Variants in ARID1B observed in about 807,000 individuals in gnomAD.
ARID1B encodes AT-rich interaction domain 1B.
A neutral mutation model predicts 212.3 loss-of-function variants in ARID1B; 30 were observed. That is an observed-to-expected ratio of 0.14 (90% CI 0.11 to 0.19). The LOEUF is 0.19. Among genes scored for constraint, ARID1B ranks in the 10% least tolerant of loss-of-function variants. The pLI is 1.00. For missense variants in ARID1B, 2,891 were observed against 3,204.0 expected (o/e 0.90, Z 2.36); for synonymous variants, 1,402 against 1,301.7 (o/e 1.08, Z -1.66).
chr6:156,837,696 T>A (rs1783608240), intron 2 of ARID1B, among the ~76,000 whole-genome samples: 1 of 152,170 alleles, frequency 6.6e-6, no homozygotes. Flanking sequence ...TGAATGAAAT[T>A]AAGAAAACTC....
At position 157,157,815 on chromosome 6, in the gene ARID1B, G is replaced by A. The variant is rs148330129; in HGVS notation, c.3089+8864G>A. On this transcript the variant is annotated intron_variant, in intron 8 of 19. Transcript: ENST00000636930. ...AGGTAGGAGAATTGCTTGAGGCCAG[G>A]AGTTCACAAGCAGCCTGGGCAACGT... Among the ~76,000 whole-genome samples the A allele has an allele frequency of 4.4e-3, 667 of 152,322 alleles. 9 individuals carry two copies. The highest frequency in any genetic ancestry group is 0.015 in the African/African-American group (627 of 41,568).
intron 2 of ARID1B, among the ~76,000 whole-genome samples, chr6:156,896,576 C>CAAAAAAAAAAAAAAA (rs72490811): frequency 1.3e-4 from 6 of 45,912 alleles, no homozygotes; most frequent in South Asian, 1.1e-3. Flanking sequence ...AACTGCGTCT[C>CAAAAAAAAAAAAAAA]AAAAAAAAAA....
At chr6:157,179,966 A>G (rs752756374) in intron 11 of ARID1B, among the ~76,000 whole-genome samples, 3 of 152,254 alleles carry the variant, frequency 2.0e-5, no homozygotes, top group Admixed American at 1.3e-4. Context: ...TAATTTCTCT[A>G]TATTGCAAAT....
At chr6:157,140,050 C>T (rs192982010) in intron 7 of ARID1B, among the ~76,000 whole-genome samples, 1,730 of 152,124 alleles carry the variant, frequency 0.011, 14 homozygotes, top group Middle Eastern at 0.024. Flanking sequence ...AATGTCAGTG[C>T]TTACCTTTTA....
chr6:156,901,463 C>A lies in ARID1B; in HGVS notation c.2074C>A (p.His692Asn), dbSNP rs372781930. 6.2e-7 allele frequency: 1 copy of A among 1,614,032 alleles called. No homozygotes were observed. Among genetic ancestry groups the A allele is most frequent in the African/African-American group, 1.3e-5 (1 of 74,922 alleles). ...PYYSQQPQPPHLPPQAQYLPS... is the reference protein window; with the variant it reads ...PYYSQQPQPPNLPPQAQYLPS... ...TTACAGCCAGCAGCCGCAGCCCCCG[C>A]ACCTCCCACCCCAGGCGCAGTATCT... is the stretch of plus-strand genomic sequence containing the variant. Residue 692 changes from histidine to asparagine, a missense_variant, in exon 3 of 20, where the codon CAC becomes AAC. This residue lies in a region of ARID1B where 1,643 missense variants were observed against 1,544.0 expected (regional missense o/e 1.06). Coordinates refer to ENST00000636930, the MANE Select transcript of ARID1B (RefSeq NM_001374828.1).
chr6:157,171,505 A>G (rs897918072), intron 9 of ARID1B, among the ~76,000 whole-genome samples: 1 of 152,268 alleles, frequency 6.6e-6, no homozygotes, highest in Admixed American at 6.5e-5. Flanking sequence ...TCTGGTAAGA[A>G]GTCAAAAATA....
In ARID1B at chr6:157,210,664, CT is replaced by C. The variant is rs573247570; in HGVS notation, c.*2777del. 2.2e-5 allele frequency: 5 copies of C among 223,316 alleles called. No individual in the cohort carries two copies. Among genetic ancestry groups the C allele is most frequent in the South Asian group, 1.9e-4 (1 of 5,314 alleles). 13.8% of individuals were successfully genotyped at this position (223,316 alleles called of 1,614,324 possible). A position where few individuals can be genotyped will look rare whatever the true frequency, so the allele number is the denominator to read the frequency against. On this transcript the variant is annotated 3_prime_UTR_variant, in exon 20 of 20. Transcript: ENST00000636930. ...AGTCGGTTTTTTTTTTTCTATGAGG[CT>C]TTTCAGAAATTTACAGGATGCCCAG...
chr6:156,924,581 A>G (rs1435020164), intron 3 of ARID1B, among the ~76,000 whole-genome samples: 1 of 152,216 alleles, frequency 6.6e-6, no homozygotes, highest in Non-Finnish European at 1.5e-5. Flanking sequence ...CAGGCGGGCA[A>G]TTTAAAATTG....
At chr6:157,141,703 A>AT (rs1789366100) in intron 7 of ARID1B, among the ~76,000 whole-genome samples, 1 of 152,172 alleles carries the variant, frequency 6.6e-6, no homozygotes, top group South Asian at 2.1e-4. Flanking sequence ...AATCCTCAAA[A>AT]TTTTTTTCAT....
At chr6:157,004,436 A>G (rs1421007511) in intron 4 of ARID1B, among the ~76,000 whole-genome samples, 1 of 152,226 alleles carries the variant, frequency 6.6e-6, no homozygotes, top group Admixed American at 6.5e-5. Context: ...TTAGAGATCT[A>G]AGTGATAAAA....
intron 1 of ARID1B, among the ~76,000 whole-genome samples, chr6:156,825,544 A>G (rs1171427657): frequency 6.6e-6 from 1 of 152,240 alleles, no homozygotes; most frequent in Non-Finnish European, 1.5e-5. Flanking sequence ...AATTTTAGTC[A>G]CTGATAAGAT....
chr6:156,776,126 C>G (rs2114939714), upstream of ARID1B, among the ~76,000 whole-genome samples: 1 of 152,208 alleles, frequency 6.6e-6, no homozygotes, highest in South Asian at 2.1e-4. Flanking sequence ...CTACCAAAAC[C>G]GTAAGTATTG....
Position 157,197,721 on chromosome 6 carries a change from TG to T in ARID1B, c.4383-1082del, listed in dbSNP as rs202241462. 4.6e-5 allele frequency among the ~76,000 whole-genome samples: 7 copies of T among 151,920 alleles called. No individual in the cohort carries two copies. The South Asian group carries it at 6.3e-4, about 14-fold the overall frequency. ...CCAGGAAAAGCTACAGATGTTTTTT[TG>T]GGGGGGGTAGCTGGCAAGATTAGAA... On this transcript the variant is annotated intron_variant, in intron 16 of 19. Transcript: ENST00000636930.
chr6:156,993,942 T>C (rs988772518), intron 4 of ARID1B, among the ~76,000 whole-genome samples: 12 of 152,254 alleles, frequency 7.9e-5, no homozygotes, highest in African/African-American at 2.9e-4. Flanking sequence ...GTGGCACTTA[T>C]TCAAATTATA....
In ARID1B at chr6:157,206,719, G is replaced by A. The variant is rs1554237457; in HGVS notation, c.5947G>A (p.Glu1983Lys). The A allele has an allele frequency of 6.2e-7, 1 of 1,612,858 alleles. No homozygotes were observed. The highest frequency in any genetic ancestry group is 8.5e-7 in the Non-Finnish European group (1 of 1,180,016). ...LSSAGRKKEQ[E>K]GKGDSEEQQE... ...CTCCGCAGGTAGAAAGAAAGAGCAA[G>A]AAGGCAAAGGCGACTCTGAAGAGCA... Residue 1983 changes from glutamate (E) to lysine (K), a missense_variant, in exon 20 of 20, where the codon GAA (glutamate) becomes AAA (lysine). Glu to Lys is a moderately conservative substitution (Grantham distance 56). Coordinates refer to ENST00000636930, the MANE Select transcript of ARID1B (RefSeq NM_001374828.1). This position sits in a 1 kb window ranked among gnomAD's most constrained non-coding sequence, Gnocchi z 6.8.
At chr6:157,149,541 AT>A (rs902787574) in intron 8 of ARID1B, 1 of 152,284 alleles carries the variant, frequency 6.6e-6, no homozygotes, top group African/African-American at 2.4e-5. Context: ...CAAATATAAT[AT>A]TTTAGAAAGT....
intron 2 of ARID1B, among the ~76,000 whole-genome samples, chr6:156,864,794 C>T (rs1785568441): frequency 6.6e-6 from 1 of 152,144 alleles, no homozygotes; most frequent in African/African-American, 2.4e-5. Context: ...TCTCATCCTC[C>T]TAGTGTAGAC....
At chr6:156,829,686 T>C in intron 2 of ARID1B, 1 of 370,690 alleles carries the variant, frequency 2.7e-6, no homozygotes, top group Non-Finnish European at 4.9e-6. Context: ...GTCATAAATT[T>C]GCAGCAGGTT....
At chr6:157,112,385 C>T (rs557686822) in intron 6 of ARID1B, among the ~76,000 whole-genome samples, 1 of 152,110 alleles carries the variant, frequency 6.6e-6, no homozygotes, top group South Asian at 2.1e-4. Context: ...TTGTGAGTTG[C>T]ACCTGTGTTG....
Sources: allele counts gnomAD v4.1 joint callset (sites outside exome capture counted in the v4.1 genomes callset), GRCh38; gene constraint gnomAD v4.1.1; regional missense constraint gnomAD v4.1.1; non-coding constraint Gnocchi (gnomAD v3.1); transcripts MANE v1.5; gene names NCBI Gene and HGNC (gene_info 2026-07-23, HGNC 2026-07-21).